ZNF366: variants seen among roughly 807,000 people sequenced by gnomAD.
ZNF366 encodes the protein dendritic cell-specific transcript protein.
Under a neutral mutation model 47.2 loss-of-function variants are expected in ZNF366, and 20 were observed. The ratio of observed to expected loss-of-function variants is 0.42; its 90% CI spans 0.30 to 0.62. ZNF366 has a LOEUF of 0.62. Among genes scored for constraint, ZNF366 ranks in the 20% least tolerant of loss-of-function variants. The probability of loss-of-function intolerance (pLI) is 0.16; values close to 1 mark genes in which losing one functional copy is unlikely to be tolerated. For synonymous variants in ZNF366, 421 were observed against 395.1 expected (o/e 1.07, Z -0.78); for missense variants, 987 against 976.3 (o/e 1.01, Z -0.15).
At chr5:72,458,183 A>G (rs2112325559) in intron 2 of ZNF366, among the ~76,000 whole-genome samples, 2 of 151,680 alleles carry the variant, frequency 1.3e-5, no homozygotes, top group East Asian at 3.9e-4. Context: ...TGCCCGGCTA[A>G]TTTTTTGTAT....
Position 72,493,006 on chromosome 5 carries a change from T to C in ZNF366, c.-15+14245A>G, listed in dbSNP as rs562503453. 3.9e-5 allele frequency among the ~76,000 whole-genome samples: 6 copies of C among 152,304 alleles called. No homozygotes were observed. The South Asian group carries it at 1.2e-3, about 32-fold the overall frequency. ...AAATATAGAAACATCATCAGCTCTC[T>C]AGCTTGAGCTCACCAAAATGAATAT... On this transcript the variant is annotated intron_variant, in intron 1 of 4. Transcript: ENST00000318442.
chr5:72,482,746 TTGTGTGTGTG>T lies in ZNF366; in HGVS notation c.-14-21246_-14-21237del, dbSNP rs3041122. ...GAAACATCACAGTTGCATTTCTATT[TTGTGTGTGTG>T]TGTGTGTGTGTGTGTGTGTGTGTGT... On this transcript the variant is annotated intron_variant, in intron 1 of 4. Transcript: ENST00000318442. Among the ~76,000 whole-genome samples the T allele has an allele frequency of 2.7e-3, 379 of 141,076 alleles. 3 individuals carry two copies. The highest frequency in any genetic ancestry group is 4.7e-3 in the South Asian group (19 of 4,062). 92.6% of individuals were successfully genotyped at this position (141,076 alleles called of 152,430 possible). A position where few individuals can be genotyped will look rare whatever the true frequency, so the allele number is the denominator to read the frequency against.
chr5:72,494,564 T>C (rs924227988), intron 1 of ZNF366, among the ~76,000 whole-genome samples: 6 of 151,628 alleles, frequency 4.0e-5, no homozygotes, highest in African/African-American at 1.5e-4. Flanking sequence ...TATCACCTTA[T>C]ACACACAGGG....
chr5:72,466,656 A>C (rs1161066540), intron 1 of ZNF366, among the ~76,000 whole-genome samples: 5 of 152,232 alleles, frequency 3.3e-5, no homozygotes, highest in Non-Finnish European at 7.3e-5. Context: ...GAGAGAAGAA[A>C]TGGGTGGTTC....
intron 1 of ZNF366, among the ~76,000 whole-genome samples, chr5:72,501,798 A>G (rs1341745488): frequency 6.6e-6 from 1 of 152,266 alleles, no homozygotes; most frequent in Non-Finnish European, 1.5e-5. Flanking sequence ...TCATCTGCCC[A>G]GAAAATAAAT....
At chr5:72,458,537 G>A (rs1743236797) in intron 2 of ZNF366, among the ~76,000 whole-genome samples, 1 of 152,234 alleles carries the variant, frequency 6.6e-6, no homozygotes. Flanking sequence ...GATAGGATCA[G>A]TGGAATCACA....
chr5:72,460,855 G>C lies in ZNF366; in HGVS notation c.642C>G (p.Pro214=), dbSNP rs145295543. 6.2e-7 allele frequency: 1 copy of C among 1,614,062 alleles called. No homozygotes were observed. Among genetic ancestry groups the C allele is most frequent in the Non-Finnish European group, 8.5e-7 (1 of 1,179,974 alleles). The change falls in exon 2 of 5, where the codon CCC becomes CCG. Residue 214 remains proline, a synonymous_variant. Coordinates refer to ENST00000318442, the MANE Select transcript of ZNF366 (RefSeq NM_152625.3). ...CGCTCTCCTGGGGCTCGGCTTTCCG[G>C]GGCAGCAGAGGTTCCGGGGGCTGCT... is the stretch of plus-strand genomic sequence containing the variant. ...LPKQPPEPLL[P]RKAEPQESEE...
In ZNF366 at chr5:72,462,507, TTTTCTTTCTTTCTTTC is replaced by T. The variant is rs765498463; in HGVS notation, c.-14-1013_-14-998del. ...AGTGTTTTTCACGTCTCCTTGCCAGTTTTCTTTCTTTCTTTCTTTCTTTCTTTCTTTCTTTCTTTCT... is the reference window on the plus strand; with the variant it reads ...AGTGTTTTTCACGTCTCCTTGCCAGTTTTCTTTCTTTCTTTCTTTCTTTCT... On this transcript the variant is annotated intron_variant, in intron 1 of 4. Transcript: ENST00000318442. Among the ~76,000 whole-genome samples the T allele has an allele frequency of 1.8e-4, 15 of 82,482 alleles. 1 individual carries two copies. Among genetic ancestry groups the T allele is most frequent in the East Asian group, 5.9e-4 (1 of 1,694 alleles). 54.1% of individuals were successfully genotyped at this position (82,482 alleles called of 152,430 possible).
chr5:72,502,801 T>G (rs1744235893), intron 1 of ZNF366, among the ~76,000 whole-genome samples: 1 of 152,174 alleles, frequency 6.6e-6, no homozygotes, highest in Non-Finnish European at 1.5e-5. Context: ...CACTCTAAGA[T>G]GCAAATAATA....
chr5:72,491,733 C>T (rs1373456682), intron 1 of ZNF366, among the ~76,000 whole-genome samples: 1 of 152,162 alleles, frequency 6.6e-6, no homozygotes, highest in Non-Finnish European at 1.5e-5. Context: ...CATGGTTCTA[C>T]AGAGAAAGGA....
rs1041160963 is a variant in ZNF366 at position 72,443,773 on chromosome 5, C to T, written c.2218G>A (p.Val740Met). ...CTGTCCACTTAGATACCTAAAAGCA[C>T]TGCTTGTTTTTCCATTTTCCTCTCC... ...LLERKMEKQA[V>M]LLGI The change falls in exon 5 of 5, where the codon GTG (valine) becomes ATG (methionine). Residue 740 changes from valine (V) to methionine (M), a missense_variant. Physicochemically the swap from Val to Met is conservative, Grantham distance 21. This residue lies in a region of ZNF366 where 285 missense variants were observed against 234.8 expected (regional missense o/e 1.21). Coordinates refer to ENST00000318442, the MANE Select transcript of ZNF366 (RefSeq NM_152625.3). 3 of 1,613,148 alleles carry T rather than the reference C, an allele frequency of 1.9e-6. No homozygotes were observed. In the African/African-American group the frequency reaches 4.0e-5, roughly 22 times the overall value.
At chr5:72,504,035 A>G (rs534241497) in intron 1 of ZNF366, among the ~76,000 whole-genome samples, 17 of 151,644 alleles carry the variant, frequency 1.1e-4, no homozygotes, top group Middle Eastern at 3.2e-3. Flanking sequence ...ATCAGGCACC[A>G]CACACACACA....
At chr5:72,470,380 A>C (rs2112336225) in intron 1 of ZNF366, among the ~76,000 whole-genome samples, 1 of 152,312 alleles carries the variant, frequency 6.6e-6, no homozygotes, top group South Asian at 2.1e-4. Context: ...TCTGCAGGGC[A>C]GGAGGAGGAG....
intron 1 of ZNF366, among the ~76,000 whole-genome samples, chr5:72,490,658 G>C (rs918958272): frequency 6.6e-6 from 1 of 152,090 alleles, no homozygotes; most frequent in Admixed American, 6.6e-5. Flanking sequence ...TGCTATTTGG[G>C]GTCTATTTTT....
At chr5:72,496,217 T>C (rs1185052934) in intron 1 of ZNF366, among the ~76,000 whole-genome samples, 9 of 152,140 alleles carry the variant, frequency 5.9e-5, no homozygotes, top group African/African-American at 1.9e-4. Context: ...CATCCAAAAA[T>C]CCAAGTTTGG....
intron 1 of ZNF366, among the ~76,000 whole-genome samples, chr5:72,506,735 T>G (rs77953046): frequency 1.3e-5 from 2 of 152,302 alleles, no homozygotes; most frequent in African/African-American, 4.8e-5. Context: ...TCTCTTTCCC[T>G]TCTACTTCAG....
At chr5:72,465,672 G>C (rs188187014) in intron 1 of ZNF366, among the ~76,000 whole-genome samples, 1 of 152,186 alleles carries the variant, frequency 6.6e-6, no homozygotes, top group Non-Finnish European at 1.5e-5. Flanking sequence ...ATCCATGGCT[G>C]CCTCCAGAGA....
intron 1 of ZNF366, among the ~76,000 whole-genome samples, chr5:72,506,278 G>T (rs1027068791): frequency 1.3e-5 from 2 of 152,154 alleles, no homozygotes; most frequent in African/African-American, 4.8e-5. Flanking sequence ...CGAGTCTCTC[G>T]GAGTGACCTT....
chr5:72,464,933 C>T (rs890301301), intron 1 of ZNF366, among the ~76,000 whole-genome samples: 4 of 151,778 alleles, frequency 2.6e-5, no homozygotes, highest in African/African-American at 7.3e-5. Context: ...TGGCGGGTGC[C>T]TGTAATCCCA....
Sources: gnomAD v4.1 joint callset for allele counts (sites outside exome capture counted in the v4.1 genomes callset) on GRCh38, gnomAD v4.1.1 for gene constraint, gnomAD v4.1.1 regional missense constraint, MANE v1.5 for transcripts, NCBI Gene and HGNC (gene_info 2026-07-23, HGNC 2026-07-21) for gene names.